The following PIEZO2 variants were observed in gnomAD, a reference collection of about 807,000 sequenced individuals.
The protein encoded by PIEZO2 is piezo-type mechanosensitive ion channel component 2.
Under a neutral mutation model 337.3 loss-of-function variants are expected in PIEZO2, and 172 were observed. That is an observed-to-expected ratio of 0.51 (90% confidence interval 0.45 to 0.58). The LOEUF (loss-of-function observed/expected upper bound fraction) is 0.58. Among genes scored for constraint, PIEZO2 ranks in the 20% least tolerant of loss-of-function variants. PIEZO2 has a pLI of 0.00. For missense variants in PIEZO2, 3,028 were observed against 3,391.3 expected, an observed-to-expected ratio of 0.89 and a Z score of 2.66; for synonymous variants, 1,251 against 1,228.5, an observed-to-expected ratio of 1.02 and a Z score of -0.38.
At position 11,069,771 on chromosome 18, in the gene PIEZO2, A is replaced by G. The variant is rs1400859312; in HGVS notation, c.65-3549T>C. On this transcript the variant is annotated intron_variant, in intron 1 of 55. Coordinates refer to ENST00000674853, the MANE Select transcript of PIEZO2 (RefSeq NM_001378183.1). This position sits in a 1 kb window ranked among gnomAD's most constrained non-coding sequence, Gnocchi z 4.9. ...GCAGATGACATGATCTTATATTAAGAAAACCCTAAAGATTCAACCAAAAAA... is the reference window on the plus strand; with the variant it reads ...GCAGATGACATGATCTTATATTAAGGAAACCCTAAAGATTCAACCAAAAAA... Among the ~76,000 whole-genome samples the G allele has an allele frequency of 6.6e-6, 1 of 152,246 alleles. No individual in the cohort carries two copies.
chr18:11,129,216 A>T lies in PIEZO2; in HGVS notation c.64+19309T>A, dbSNP rs1212230190. ...CAATGCCTTGTGAAACAGATTTGTGAGGGCAGCACCTGCATCTTTGGAACC... is the reference window on the plus strand; with the variant it reads ...CAATGCCTTGTGAAACAGATTTGTGTGGGCAGCACCTGCATCTTTGGAACC... On this transcript the variant is annotated intron_variant, in intron 1 of 55. Coordinates refer to ENST00000674853, the MANE Select transcript of PIEZO2 (RefSeq NM_001378183.1). This position sits in a 1 kb window ranked among gnomAD's most constrained non-coding sequence, Gnocchi z 4.6. Among the ~76,000 whole-genome samples, 9 of 152,260 alleles carry T rather than the reference A, an allele frequency of 5.9e-5. No homozygotes were observed. The highest frequency in any genetic ancestry group is 2.1e-4 in the South Asian group (1 of 4,826).
At chr18:11,137,380 G>A (rs1015436045) in intron 1 of PIEZO2, among the ~76,000 whole-genome samples, 2 of 152,112 alleles carry the variant, frequency 1.3e-5, no homozygotes, top group African/African-American at 4.8e-5. Context: ...GTGATTTATG[G>A]CCATACCTTT....
Position 10,784,578 on chromosome 18 carries a change from C to G in PIEZO2, c.2492+206G>C, listed in dbSNP as rs2039147545. ...GACGATCAAGATCACTTTACATTAA[C>G]CAGTCATAAGTCACTACCCATTGTT... On this transcript the variant is annotated intron_variant, in intron 17 of 55. Transcript: ENST00000674853. The surrounding 1 kb of genome is among the most constrained non-coding windows in gnomAD (Gnocchi z 4.5). Among the ~76,000 whole-genome samples the G allele has an allele frequency of 6.6e-6, 1 of 152,224 alleles. No individual in the cohort carries two copies. Among genetic ancestry groups the G allele is most frequent in the Non-Finnish European group, 1.5e-5 (1 of 68,044 alleles).
Position 11,091,455 on chromosome 18 carries a change from T to A in PIEZO2, c.65-25233A>T, listed in dbSNP as rs144276787. The stretch of plus-strand genomic sequence containing the variant: ...AAATATTTTCTACTAAATGTATAGG[T>A]ATAATGAAGAAAAGCTGTAAGAATG... On this transcript the variant is annotated intron_variant, in intron 1 of 55. Coordinates refer to ENST00000674853, the MANE Select transcript of PIEZO2 (RefSeq NM_001378183.1). Among the ~76,000 whole-genome samples, 589 of 150,600 alleles carry A rather than the reference T, an allele frequency of 3.9e-3. 5 individuals carry two copies. Among genetic ancestry groups the A allele is most frequent in the African/African-American group, 0.014 (567 of 41,010 alleles).
At chr18:11,058,875 G>A (rs895667986) in intron 2 of PIEZO2, among the ~76,000 whole-genome samples, 1 of 152,276 alleles carries the variant, frequency 6.6e-6, no homozygotes, top group East Asian at 1.9e-4. Flanking sequence ...AGCAAGGCAG[G>A]CCAACATTCA....
chr18:10,859,302 C>T lies in PIEZO2; in HGVS notation c.493-2091G>A, dbSNP rs978837902. On this transcript the variant is annotated intron_variant, in intron 5 of 55. Coordinates refer to ENST00000674853, the MANE Select transcript of PIEZO2 (RefSeq NM_001378183.1). The surrounding 1 kb of genome is among the most constrained non-coding windows in gnomAD (Gnocchi z 4.9). ...CCAGGCCCGTGGCCACTTCCGCTCC[C>T]CTAGAGAACAATTCCCATCTCATTC... 6.6e-6 allele frequency among the ~76,000 whole-genome samples: 1 copy of T among 152,184 alleles called. No homozygotes were observed. Among genetic ancestry groups the T allele is most frequent in the Non-Finnish European group, 1.5e-5 (1 of 68,018 alleles).
Position 10,789,016 on chromosome 18 carries a change from G to A in PIEZO2, c.2169+63C>T, listed in dbSNP as rs2870106. 1,243,492 of 1,447,286 alleles carry A rather than the reference G, an allele frequency of 0.86. 534,683 individuals are homozygous for A. Among genetic ancestry groups the A allele is most frequent in the East Asian group, 0.94 (37,651 of 40,146 alleles). 89.7% of individuals were successfully genotyped at this position (1,447,286 alleles called of 1,614,324 possible). On this transcript the variant is annotated intron_variant, in intron 15 of 55. Coordinates refer to ENST00000674853, the MANE Select transcript of PIEZO2 (RefSeq NM_001378183.1). ...ATTCTAGTGATTTAAAATCTCTGCA[G>A]AGGTAGCTCATGTATACTCCTGGGA...
chr18:10,996,531 G>A (rs1446288522), intron 2 of PIEZO2, among the ~76,000 whole-genome samples: 1 of 152,190 alleles, frequency 6.6e-6, no homozygotes, highest in Non-Finnish European at 1.5e-5. Context: ...CCTGGCAACT[G>A]TAAGTCAGCT....
intron 4 of PIEZO2, among the ~76,000 whole-genome samples, chr18:10,892,620 G>A (rs980427293): frequency 6.6e-6 from 1 of 151,956 alleles, no homozygotes; most frequent in Admixed American, 6.6e-5. Flanking sequence ...TAGAATTTTA[G>A]GAATGTAAAT....
In PIEZO2 at chr18:10,960,337, T is replaced by C. The variant is rs183354765; in HGVS notation, c.286+19198A>G. Among the ~76,000 whole-genome samples, 24 of 152,306 alleles carry C rather than the reference T, an allele frequency of 1.6e-4. 1 individual carries two copies. The highest frequency in any genetic ancestry group is 5.8e-4 in the African/African-American group (24 of 41,574). ...ATGTTTATCTTTTTCAAGAAGCACT[T>C]ACAGCCAAACTCTACCACAGAAGTA... On this transcript the variant is annotated intron_variant, in intron 3 of 55. Transcript: ENST00000674853.
chr18:10,681,902 G>T, intron 50 of PIEZO2, 149 bp from the exon 51 acceptor site: 1 of 853,072 alleles, frequency 1.2e-6, no homozygotes, highest in Non-Finnish European at 1.8e-6. Flanking sequence ...TCTTTTTGGA[G>T]TGATTATTCC....
intron 3 of PIEZO2, among the ~76,000 whole-genome samples, chr18:10,978,520 G>C (rs2034535836): frequency 6.6e-6 from 1 of 152,156 alleles, no homozygotes; most frequent in South Asian, 2.1e-4. Flanking sequence ...AAAATGGCTG[G>C]ATTGAACACT....
chr18:11,034,568 C>T (rs943987220), intron 2 of PIEZO2, among the ~76,000 whole-genome samples: 4 of 152,214 alleles, frequency 2.6e-5, no homozygotes, highest in African/African-American at 9.6e-5. Context: ...GCTGGGATTA[C>T]AGGCGTGAGC....
intron 4 of PIEZO2, among the ~76,000 whole-genome samples, chr18:10,892,549 T>C (rs1171455111): frequency 6.6e-6 from 1 of 151,826 alleles, no homozygotes; most frequent in Admixed American, 6.5e-5. Flanking sequence ...ATCCTGACTA[T>C]GGTGGTGGTT....
chr18:10,675,410 T>A (rs2033953926), intron 53 of PIEZO2, 122 bp from the exon 54 acceptor site: 2 of 544,016 alleles, frequency 3.7e-6, no homozygotes, highest in Non-Finnish European at 6.3e-6. Flanking sequence ...CATATATCTG[T>A]ACAATGTGTA....
intron 5 of PIEZO2, among the ~76,000 whole-genome samples, chr18:10,866,257 A>G (rs1277833991): frequency 6.6e-6 from 1 of 151,562 alleles, no homozygotes; most frequent in Non-Finnish European, 1.5e-5. Context: ...TGTCCACTCA[A>G]TGAACATATT....
At chr18:11,030,074 A>T (rs1187992665) in intron 2 of PIEZO2, among the ~76,000 whole-genome samples, 1 of 152,212 alleles carries the variant, frequency 6.6e-6, no homozygotes, top group Non-Finnish European at 1.5e-5. Flanking sequence ...TTTAATTTTA[A>T]TGCTTCTCAT....
chr18:10,815,003 A>G lies in PIEZO2; in HGVS notation c.918-7729T>C, dbSNP rs1193431693. On this transcript the variant is annotated intron_variant, in intron 7 of 55. Coordinates refer to ENST00000674853, the MANE Select transcript of PIEZO2 (RefSeq NM_001378183.1). The surrounding 1 kb of genome is among the most constrained non-coding windows in gnomAD (Gnocchi z 4.1). ...CCCATCGATGGTCCCTGGGGATTTA[A>G]TTCTTTAAGTAGACATAGGTGCCCT... 6.6e-6 allele frequency among the ~76,000 whole-genome samples: 1 copy of G among 152,196 alleles called. No individual in the cohort carries two copies. The highest frequency in any genetic ancestry group is 1.9e-4 in the East Asian group (1 of 5,192).
At chr18:10,922,666 AGATGTGCAGCAGGG>A (rs912078138) in intron 3 of PIEZO2, among the ~76,000 whole-genome samples, 4 of 152,194 alleles carry the variant, frequency 2.6e-5, no homozygotes, top group African/African-American at 9.6e-5. Flanking sequence ...TCCTGGGGTC[AGATGTGCAGCAGGG>A]GATGTGCAGC....
Sources: allele counts gnomAD v4.1 joint callset (sites outside exome capture counted in the v4.1 genomes callset), GRCh38; gene constraint gnomAD v4.1.1; non-coding constraint Gnocchi (gnomAD v3.1); transcripts MANE v1.5; gene names NCBI Gene and HGNC (gene_info 2026-07-23, HGNC 2026-07-21).